PAK1: variants seen among roughly 807,000 people sequenced by gnomAD.
PAK1 encodes serine/threonine-protein kinase PAK 1.
A neutral mutation model predicts 67.4 loss-of-function variants in PAK1; 29 were observed. The ratio of observed to expected loss-of-function variants is 0.43; its 90% CI spans 0.32 to 0.59. The LOEUF is 0.59. Among genes scored for constraint, PAK1 ranks in the 20% least tolerant of loss-of-function variants. The probability of loss-of-function intolerance (pLI) is 0.07; values close to 1 mark genes in which losing one functional copy is unlikely to be tolerated. For synonymous variants in PAK1, 223 were observed against 237.4 expected, an observed-to-expected ratio of 0.94 and a Z score of 0.56; for missense variants, 337 against 670.7, an observed-to-expected ratio of 0.50 and a Z score of 5.50.
At chr11:77,353,169 T>G in intron 8 of PAK1, 1 of 190,420 alleles carries the variant, frequency 5.3e-6, no homozygotes, top group South Asian at 1.2e-4. Flanking sequence ...AGTAGAAGGA[T>G]TTATAGTTTT....
chr11:77,441,951 A>G (rs1408024008), intron 1 of PAK1, among the ~76,000 whole-genome samples: 2 of 152,194 alleles, frequency 1.3e-5, no homozygotes, highest in Admixed American at 1.3e-4. Context: ...GTTGCTGGTA[A>G]AACAGGCATG....
chr11:77,354,642 T>G (rs899845961), intron 7 of PAK1, among the ~76,000 whole-genome samples: 1 of 152,162 alleles, frequency 6.6e-6, no homozygotes, highest in Non-Finnish European at 1.5e-5. Context: ...ACTAGGTAAG[T>G]GGCTTTTCTT....
At chr11:77,349,416 T>G (rs1201403177) in intron 8 of PAK1, 129 bp from the exon 9 acceptor site, 1 of 721,752 alleles carries the variant, frequency 1.4e-6, no homozygotes, top group Non-Finnish European at 2.5e-6. Flanking sequence ...ATCCTCTCCC[T>G]GCAGCATCCA....
intron 2 of PAK1, among the ~76,000 whole-genome samples, chr11:77,386,333 A>G (rs756618593): frequency 3.9e-5 from 6 of 152,240 alleles, no homozygotes; most frequent in Non-Finnish European, 5.9e-5. Context: ...GTCCAATGTT[A>G]AAATTAACTT....
the PAK1 span, among the ~76,000 whole-genome samples, chr11:77,505,916 C>A: frequency 6.6e-6 from 1 of 152,150 alleles, no homozygotes; most frequent in African/African-American, 2.4e-5. Flanking sequence ...CCAGCCAGGT[C>A]CGGCGCCAGG....
chr11:77,443,127 A>G (rs891767355), intron 1 of PAK1, among the ~76,000 whole-genome samples: 3 of 152,090 alleles, frequency 2.0e-5, no homozygotes, highest in Non-Finnish European at 2.9e-5. Flanking sequence ...GATCAAGACC[A>G]TCATGGCCAA....
chr11:77,331,549 A>G (rs1195509273), intron 14 of PAK1, among the ~76,000 whole-genome samples: 1 of 152,118 alleles, frequency 6.6e-6, no homozygotes, highest in Non-Finnish European at 1.5e-5. Context: ...AAAACCAAAC[A>G]CTGCATGTTC....
chr11:77,397,557 T>C (rs1951997068), intron 1 of PAK1, among the ~76,000 whole-genome samples: 1 of 152,182 alleles, frequency 6.6e-6, no homozygotes, highest in African/African-American at 2.4e-5. Flanking sequence ...ATACAAGGCA[T>C]AAAGATACAG....
intron 9 of PAK1, among the ~76,000 whole-genome samples, chr11:77,346,630 T>G (rs989068392): frequency 2.4e-4 from 36 of 152,224 alleles, no homozygotes; most frequent in African/African-American, 8.4e-4. Context: ...TAACAGCATT[T>G]AATAAGTACT....
chr11:77,403,952 G>C (rs1241873344), intron 1 of PAK1, among the ~76,000 whole-genome samples: 1 of 152,088 alleles, frequency 6.6e-6, no homozygotes, highest in Non-Finnish European at 1.5e-5. Flanking sequence ...TAGTTATCAA[G>C]AGAGTGGGTT....
chr11:77,347,053 A>G (rs111903057), intron 9 of PAK1: 9,299 of 456,214 alleles, frequency 0.02, 192 homozygotes, highest in African/African-American at 0.076. Context: ...AGAGCATCCC[A>G]TGGACTCCAA....
intron 1 of PAK1, among the ~76,000 whole-genome samples, chr11:77,470,988 C>T (rs570941404): frequency 1.6e-4 from 25 of 152,314 alleles, no homozygotes; most frequent in African/African-American, 5.5e-4. Flanking sequence ...GACCATGATT[C>T]CTATTCATTC....
the PAK1 span, among the ~76,000 whole-genome samples, chr11:77,484,193 A>G: frequency 2.0e-5 from 3 of 147,976 alleles, no homozygotes; most frequent in Non-Finnish European, 4.5e-5. Flanking sequence ...AACCATGAGT[A>G]AGCCAAAAAA....
intron 5 of PAK1, among the ~76,000 whole-genome samples, chr11:77,369,543 G>GAGAC (rs2136876309): frequency 6.7e-6 from 1 of 148,184 alleles, no homozygotes; most frequent in East Asian, 2.0e-4. Context: ...TGCCTCCCAG[G>GAGAC]TTCAAGTGAT....
the PAK1 span, among the ~76,000 whole-genome samples, chr11:77,483,197 CAA>C: frequency 9.8e-5 from 10 of 102,116 alleles, no homozygotes; most frequent in Admixed American, 3.2e-4. Flanking sequence ...GACTCCATCT[CAA>C]AAAAAAAAAA....
At chr11:77,330,956 C>A (rs1693668253) in intron 14 of PAK1, among the ~76,000 whole-genome samples, 3 of 151,996 alleles carry the variant, frequency 2.0e-5, no homozygotes, top group African/African-American at 4.8e-5. Context: ...ACAAACAACC[C>A]CATCAAAAAG....
At chr11:77,442,821 C>G (rs1055577306) in intron 1 of PAK1, among the ~76,000 whole-genome samples, 1 of 152,128 alleles carries the variant, frequency 6.6e-6, no homozygotes, top group Non-Finnish European at 1.5e-5. Flanking sequence ...AAAAGTCCAG[C>G]CGAAATGAAA....
In PAK1 at chr11:77,354,260, C is replaced by A. The variant is rs183152794; in HGVS notation, c.773-661G>T. Among the ~76,000 whole-genome samples, 544 of 152,220 alleles carry A rather than the reference C, an allele frequency of 3.6e-3. 3 individuals carry two copies. The highest frequency in any genetic ancestry group is 6.3e-3 in the Non-Finnish European group (427 of 68,008). ...CAGAAGGGAAGAAGATACTTCCCCC[C>A]CAAGGTCACACAGCAAATTGGTGTC... On this transcript the variant is annotated intron_variant, in intron 7 of 14. Transcript: ENST00000356341.
intron 5 of PAK1, among the ~76,000 whole-genome samples, chr11:77,366,792 T>C (rs897728942): frequency 1.3e-5 from 2 of 152,184 alleles, no homozygotes; most frequent in African/African-American, 4.8e-5. Flanking sequence ...AGTCTGGCAG[T>C]TCCTCAAAAG....
Sources: allele counts gnomAD v4.1 joint callset (sites outside exome capture counted in the v4.1 genomes callset), GRCh38; gene constraint gnomAD v4.1.1; transcripts MANE v1.5; gene names NCBI Gene and HGNC (gene_info 2026-07-23, HGNC 2026-07-21).